Variants in TINAGL1 observed in about 807,000 individuals in gnomAD.
TINAGL1 encodes tubulointerstitial nephritis antigen-like.
In TINAGL1, 34 loss-of-function variants were observed where a neutral mutation model predicts 62.0. The observed-to-expected ratio is 0.55, with a 90% CI of 0.42 to 0.73. The LOEUF (loss-of-function observed/expected upper bound fraction) is 0.73. Ranked by LOEUF, TINAGL1 falls within the 30% of genes least tolerant of loss-of-function variation. TINAGL1 has a pLI of 0.00. For missense variants in TINAGL1, 516 were observed against 653.2 expected (o/e 0.79, Z 2.29); for synonymous variants, 221 against 249.7 (o/e 0.88, Z 1.08).
At chr1:31,580,266 A>G (rs1279454521) in intron 3 of TINAGL1, 1 of 1,058,208 alleles carries the variant, frequency 9.4e-7, no homozygotes, top group Non-Finnish European at 1.1e-6. Flanking sequence ...TCTCTCTCTC[A>G]CTGCTGTCCC....
intron 3 of TINAGL1, chr1:31,580,581 C>G (rs1307662268): frequency 7.8e-7 from 1 of 1,289,178 alleles, no homozygotes; most frequent in Non-Finnish European, 1.0e-6. Flanking sequence ...ACTCCTCTGG[C>G]CCTCCCCAGC....
rs1289610706 is a variant in TINAGL1 at position 31,584,651 on chromosome 1, G to A, written c.583-27G>A. ...GGGGCAGGCCAGGGCAGAGCAGGAG[G>A]CAGACAGGGCAACCTTTATCTTGCA... On this transcript the variant is annotated intron_variant, in intron 5 of 11. Transcript: ENST00000271064. This position sits in a 1 kb window ranked among gnomAD's most constrained non-coding sequence, Gnocchi z 4.0. 5 of 1,612,336 alleles carry A rather than the reference G, an allele frequency of 3.1e-6. No homozygotes were observed. Among genetic ancestry groups the A allele is most frequent in the Non-Finnish European group, 4.2e-6 (5 of 1,179,984 alleles).
Position 31,587,217 on chromosome 1 carries a change from A to G in TINAGL1, c.*238A>G. 2.1e-6 allele frequency: 1 copy of G among 475,184 alleles called. No homozygotes were observed. The highest frequency in any genetic ancestry group is 3.3e-6 in the Non-Finnish European group (1 of 303,196). 29.4% of individuals were successfully genotyped at this position (475,184 alleles called of 1,614,324 possible). On this transcript the variant is annotated 3_prime_UTR_variant, in exon 12 of 12. Coordinates refer to ENST00000271064, the MANE Select transcript of TINAGL1 (RefSeq NM_022164.3). ...GGGACGGGGCAGGGCCTGGCCTGGG[A>G]AGAGCACAGCTGCAGATCCCAGGCC...
In TINAGL1 at chr1:31,577,187, G is replaced by A. The variant is rs767879026; in HGVS notation, c.39G>A (p.Pro13=). 7.0e-6 allele frequency: 11 copies of A among 1,581,134 alleles called. No individual in the cohort carries two copies. Among genetic ancestry groups the A allele is most frequent in the Non-Finnish European group, 8.6e-6 (10 of 1,165,988 alleles). ...CACTGGGGCTACTGCTGTTGCTGCC[G>A]CTGGCTGGCCACTTGGCTCTGGGTG... ...RCPLGLLLLL[P]LAGHLALGAQ... The change falls in exon 2 of 12, where the codon CCG becomes CCA. Residue 13 remains proline (P), a synonymous_variant. Coordinates refer to ENST00000271064, the MANE Select transcript of TINAGL1 (RefSeq NM_022164.3). The surrounding 1 kb of genome is among the most constrained non-coding windows in gnomAD (Gnocchi z 5.4).
rs536570974 is a variant in TINAGL1 at position 31,583,916 on chromosome 1, C to T, written c.582+341C>T. On this transcript the variant is annotated intron_variant, in intron 5 of 11. Coordinates refer to ENST00000271064, the MANE Select transcript of TINAGL1 (RefSeq NM_022164.3). This position sits in a 1 kb window ranked among gnomAD's most constrained non-coding sequence, Gnocchi z 4.4. Reference sequence around the variant, plus strand: ...TATTTTGGGAAGGGAAGGACACACACTCCTCCAGTTCTGGCCAGAGGGCAG... The same window carrying T: ...TATTTTGGGAAGGGAAGGACACACATTCCTCCAGTTCTGGCCAGAGGGCAG... 3.9e-6 allele frequency: 1 copy of T among 258,152 alleles called. No homozygotes were observed. Among genetic ancestry groups the T allele is most frequent in the African/African-American group, 2.2e-5 (1 of 46,020 alleles). The allele number at this position is 258,152 out of a possible 1,614,324, so 16.0% of individuals were successfully genotyped here.
At position 31,585,711 on chromosome 1, in the gene TINAGL1, G is replaced by A; in HGVS notation, c.1094-42G>A. ...AATAGACTCAGGCTCCAGTGCCTGT[G>A]CCAACGGGCTGAGTGGACCCTACCT... is the stretch of plus-strand genomic sequence containing the variant. On this transcript the variant is annotated intron_variant, in intron 9 of 11. Transcript: ENST00000271064. The surrounding 1 kb of genome is among the most constrained non-coding windows in gnomAD (Gnocchi z 4.3). 1 of 1,596,450 alleles carries A rather than the reference G, an allele frequency of 6.3e-7. No individual in the cohort carries two copies. Among genetic ancestry groups the A allele is most frequent in the Non-Finnish European group, 8.5e-7 (1 of 1,170,768 alleles).
chr1:31,582,799 C>T (rs777300330), intron 3 of TINAGL1, among the ~76,000 whole-genome samples: 4 of 150,958 alleles, frequency 2.6e-5, no homozygotes, highest in African/African-American at 4.9e-5. Flanking sequence ...AGGTTTGGGG[C>T]CCAAACTCCA....
At chr1:31,578,877 G>GGTGTGTGTGTGT (rs57769142) in intron 2 of TINAGL1, among the ~76,000 whole-genome samples, 2,217 of 76,424 alleles carry the variant, frequency 0.029, 344 homozygotes, top group East Asian at 0.07. Flanking sequence ...AGTGAGAGCT[G>GGTGTGTGTGTGT]GTGTGTGTGT....
intron 3 of TINAGL1, chr1:31,580,482 G>A (rs754526351): frequency 5.4e-6 from 7 of 1,289,172 alleles, no homozygotes; most frequent in East Asian, 5.6e-5. Context: ...GAGTCTAGTC[G>A]GGTGCTGCTG....
Position 31,585,671 on chromosome 1 carries a change from G to A in TINAGL1, c.1094-82G>A. On this transcript the variant is annotated intron_variant, in intron 9 of 11. Transcript: ENST00000271064. The surrounding 1 kb of genome is among the most constrained non-coding windows in gnomAD (Gnocchi z 4.3). ...AGCTTTGGTATGGAGGGACCCTGGT[G>A]CCTGGGCACATCTCAATAGACTCAG... 1.3e-6 allele frequency: 2 copies of A among 1,554,630 alleles called. No homozygotes were observed. Among genetic ancestry groups the A allele is most frequent in the Non-Finnish European group, 1.7e-6 (2 of 1,148,964 alleles).
chr1:31,581,071 G>T (rs1368885663), intron 3 of TINAGL1, among the ~76,000 whole-genome samples: 2 of 152,196 alleles, frequency 1.3e-5, no homozygotes, highest in Non-Finnish European at 2.9e-5. Context: ...TAGGCAGAGG[G>T]AGTGGCTCGT....
chr1:31,585,750 C>T lies in TINAGL1; in HGVS notation c.1094-3C>T. On this transcript the variant is annotated splice_region_variant and splice_polypyrimidine_tract_variant and intron_variant, in intron 9 of 11. Transcript: ENST00000271064. The surrounding 1 kb of genome is among the most constrained non-coding windows in gnomAD (Gnocchi z 4.3). ...TGGACCCTACCTTGACATCTGCCCA[C>T]AGCCCTCATGGAGGTGCATGAGGAC... is the stretch of plus-strand genomic sequence containing the variant. The T allele has an allele frequency of 6.2e-7, 1 of 1,612,380 alleles. No individual in the cohort carries two copies. Among genetic ancestry groups the T allele is most frequent in the Non-Finnish European group, 8.5e-7 (1 of 1,179,186 alleles).
In TINAGL1 at chr1:31,585,955, C is replaced by A; in HGVS notation, c.1217+79C>A. ...CTCTGGAGCCTGCCTTGGGTTCTTA[C>A]AACCTCTCTAAAAAGCCAGGACTGC... On this transcript the variant is annotated intron_variant, in intron 10 of 11. Transcript: ENST00000271064. The surrounding 1 kb of genome is among the most constrained non-coding windows in gnomAD (Gnocchi z 4.3). 6.8e-7 allele frequency: 1 copy of A among 1,463,998 alleles called. No homozygotes were observed. The highest frequency in any genetic ancestry group is 1.4e-5 in the South Asian group (1 of 69,378). 90.7% of individuals were successfully genotyped at this position (1,463,998 alleles called of 1,614,324 possible).
chr1:31,585,677 G>T lies in TINAGL1; in HGVS notation c.1094-76G>T. 6.4e-7 allele frequency: 1 copy of T among 1,560,296 alleles called. No homozygotes were observed. Among genetic ancestry groups the T allele is most frequent in the Admixed American group, 1.9e-5 (1 of 54,040 alleles). ...GGTATGGAGGGACCCTGGTGCCTGGGCACATCTCAATAGACTCAGGCTCCA... is the reference window on the plus strand; with the variant it reads ...GGTATGGAGGGACCCTGGTGCCTGGTCACATCTCAATAGACTCAGGCTCCA... On this transcript the variant is annotated intron_variant, in intron 9 of 11. Transcript: ENST00000271064. This position sits in a 1 kb window ranked among gnomAD's most constrained non-coding sequence, Gnocchi z 4.3.
At chr1:31,580,635 G>T in intron 3 of TINAGL1, 1 of 1,289,328 alleles carries the variant, frequency 7.8e-7, no homozygotes, top group Non-Finnish European at 1.0e-6. Flanking sequence ...AGCCATACTG[G>T]GTCTTGGCTC....
intron 2 of TINAGL1, chr1:31,578,039 C>T: frequency 2.3e-6 from 1 of 436,448 alleles, no homozygotes; most frequent in Non-Finnish European, 3.1e-6. Flanking sequence ...CTTCTCTGGG[C>T]CTTGGCTTCC....
At chr1:31,586,191 G>A (rs954198887) in intron 10 of TINAGL1, 5 of 321,746 alleles carry the variant, frequency 1.6e-5, no homozygotes, top group Admixed American at 1.4e-4. Flanking sequence ...GACCCACCGA[G>A]TGACCTGGGA....
chr1:31,586,898 C>T lies in TINAGL1; in HGVS notation c.1323C>T (p.Arg441=). 4 of 1,548,678 alleles carry T rather than the reference C, an allele frequency of 2.6e-6. No homozygotes were observed. Among genetic ancestry groups the T allele is most frequent in the Non-Finnish European group, 3.5e-6 (4 of 1,149,112 alleles). Residue 441 remains arginine (R), a synonymous_variant, in exon 12 of 12, where the codon CGC becomes CGT. Transcript: ENST00000271064. Reference sequence around the variant, plus strand: ...AGAGGGGCCACTTCCGCATCGTGCGCGGCGTCAATGAGTGCGACATCGAGA... The same window carrying T: ...AGAGGGGCCACTTCCGCATCGTGCGTGGCGTCAATGAGTGCGACATCGAGA... ...WGERGHFRIV[R]GVNECDIESF...
Position 31,586,631 on chromosome 1 carries a change from A to G in TINAGL1, c.1218-79A>G. 5.2e-6 allele frequency: 8 copies of G among 1,531,616 alleles called. No homozygotes were observed. In the South Asian group the frequency reaches 8.4e-5, roughly 16 times the overall value. 94.9% of individuals were successfully genotyped at this position (1,531,616 alleles called of 1,614,324 possible). A position where few individuals can be genotyped will look rare whatever the true frequency, so the allele number is the denominator to read the frequency against. ...CCCTCCAAAGGCAACTGGGGGCTGG[A>G]TGGGGCAGGTTTCCGGGATTGGAGC... On this transcript the variant is annotated intron_variant, in intron 10 of 11. Transcript: ENST00000271064.
Sources: allele counts gnomAD v4.1 joint callset (sites outside exome capture counted in the v4.1 genomes callset), GRCh38; gene constraint gnomAD v4.1.1; non-coding constraint Gnocchi (gnomAD v3.1); transcripts MANE v1.5; gene names NCBI Gene and HGNC (gene_info 2026-07-23, HGNC 2026-07-21).